Variants in MAPK6 observed in about 807,000 individuals in gnomAD.
The protein encoded by MAPK6 is ERK-3.
A neutral mutation model predicts 59.3 loss-of-function variants in MAPK6; 19 were observed. The observed-to-expected ratio is 0.32, with a 90% confidence interval of 0.22 to 0.47. The LOEUF is 0.47. Among genes scored for constraint, MAPK6 ranks in the 20% least tolerant of loss-of-function variants. MAPK6 has a pLI of 1.00. For synonymous variants in MAPK6, 316 were observed against 290.3 expected, an observed-to-expected ratio of 1.09 and a Z score of -0.90; for missense variants, 724 against 847.9, an observed-to-expected ratio of 0.85 and a Z score of 1.81.
At chr15:52,013,060 T>TATA (rs1224403797) in intron 3 of MAPK6, among the ~76,000 whole-genome samples, 4 of 113,310 alleles carry the variant, frequency 3.5e-5, no homozygotes, top group Admixed American at 9.1e-5. Context: ...TATATATATA[T>TATA]TACACAAGAC....
intron 1 of MAPK6, among the ~76,000 whole-genome samples, chr15:52,023,935 T>C (rs1282389465): frequency 6.6e-6 from 1 of 152,204 alleles, no homozygotes; most frequent in Non-Finnish European, 1.5e-5. Context: ...AAGTTTTGTC[T>C]TTTATACATG....
chr15:51,990,823 G>C (rs1044790782), intron 2 of MAPK6, among the ~76,000 whole-genome samples: 1 of 152,166 alleles, frequency 6.6e-6, no homozygotes, highest in Non-Finnish European at 1.5e-5. Context: ...GCATGGTGGC[G>C]GGCGCCTGTA....
intron 3 of MAPK6, among the ~76,000 whole-genome samples, chr15:52,006,711 T>A (rs1325652312): frequency 6.6e-6 from 1 of 152,096 alleles, no homozygotes; most frequent in Non-Finnish European, 1.5e-5. Context: ...TGCAATCAAG[T>A]TCTTCAAGCA....
upstream of MAPK6, among the ~76,000 whole-genome samples, chr15:52,016,122 C>T (rs1185105983): frequency 5.3e-5 from 6 of 112,612 alleles, no homozygotes; most frequent in South Asian, 3.3e-4. Flanking sequence ...TAAAACTGGC[C>T]GGGCATGGTG....
intron 3 of MAPK6, among the ~76,000 whole-genome samples, chr15:52,009,476 T>G (rs1427023685): frequency 6.6e-6 from 1 of 152,236 alleles, no homozygotes; most frequent in African/African-American, 2.4e-5. Context: ...ACTCTCTCTA[T>G]GCTTCTCTTA....
intron 1 of MAPK6, among the ~76,000 whole-genome samples, chr15:52,019,730 G>A (rs2030436343): frequency 6.6e-6 from 1 of 151,014 alleles, no homozygotes. Flanking sequence ...CCCTGGCCCC[G>A]CACGCCTGCT....
chr15:52,058,946 A>G (rs78937310), intron 4 of MAPK6, 149 bp downstream of exon 4: 14,412 of 540,954 alleles, frequency 0.027, 282 homozygotes, highest in Middle Eastern at 0.07. Context: ...TTCAACTCTC[A>G]TTTTCCCTTT....
In MAPK6 at chr15:52,052,824, G is replaced by A. The variant is rs1173588583; in HGVS notation, c.700+2687G>A. Among the ~76,000 whole-genome samples, 4 of 152,104 alleles carry A rather than the reference G, an allele frequency of 2.6e-5. No homozygotes were observed. The East Asian group carries it at 5.8e-4, about 22-fold the overall frequency. On this transcript the variant is annotated intron_variant, in intron 3 of 5. Transcript: ENST00000261845. ...TGGACATTTGGGTTTCCACTTCTTG[G>A]TTATGAATTATGCTGTTGTAAATAT...
At position 52,059,521 on chromosome 15, in the gene MAPK6, ACT is replaced by A. The variant is rs1413004531; in HGVS notation, c.865+727_865+728del. ...GTCTGCATACCCTCTCTAAGGTGTG[ACT>A]CTGCTCAGCCAGGTGAAGACACTGT... On this transcript the variant is annotated intron_variant, in intron 4 of 5. Coordinates refer to ENST00000261845, the MANE Select transcript of MAPK6 (RefSeq NM_002748.4). Among the ~76,000 whole-genome samples, 7 of 152,138 alleles carry A rather than the reference ACT, an allele frequency of 4.6e-5. No homozygotes were observed. In the South Asian group the frequency reaches 8.3e-4, roughly 18 times the overall value.
chr15:52,064,888 C>T lies in MAPK6; in HGVS notation c.2054C>T (p.Pro685Leu), dbSNP rs778555440. The change falls in exon 6 of 6, where the codon CCA becomes CTA. Residue 685 changes from proline (P) to leucine (L), a missense_variant. Physicochemically the swap from Pro to Leu is moderately conservative, Grantham distance 98. Coordinates refer to ENST00000261845, the MANE Select transcript of MAPK6 (RefSeq NM_002748.4). ...ESIGIPQFHS[P>L]VGSPLKSIQA... ...ATAGGCATCCCACAGTTTCACAGTC[C>T]AGTTGGGTCACCACTTAAGTCAATA... 2.5e-6 allele frequency: 4 copies of T among 1,611,796 alleles called. No individual in the cohort carries two copies. Among genetic ancestry groups the T allele is most frequent in the Admixed American group, 1.7e-5 (1 of 59,986 alleles).
chr15:52,039,274 C>T (rs75575681), intron 1 of MAPK6, among the ~76,000 whole-genome samples: 3,586 of 152,194 alleles, frequency 0.024, 96 homozygotes, highest in East Asian at 0.076. Context: ...TGAGCCACCA[C>T]GCCTGGCTGT....
At chr15:52,054,293 G>GGGAGGTGGAGGTTGCA (rs2031885662) in intron 3 of MAPK6, among the ~76,000 whole-genome samples, 1 of 151,354 alleles carries the variant, frequency 6.6e-6, no homozygotes. Flanking sequence ...GCTTGAACCT[G>GGGAGGTGGAGGTTGCA]GGAGGTGGAG....
intron 1 of MAPK6, among the ~76,000 whole-genome samples, chr15:52,032,059 A>G (rs1021384140): frequency 2.0e-5 from 3 of 151,664 alleles, no homozygotes; most frequent in Non-Finnish European, 4.4e-5. Context: ...TATTTTTAGT[A>G]GAGATAGGGT....
intron 1 of MAPK6, among the ~76,000 whole-genome samples, chr15:51,976,619 T>G (rs2057158252): frequency 6.6e-6 from 1 of 151,822 alleles, no homozygotes; most frequent in Admixed American, 6.6e-5. Context: ...TAAACAATTC[T>G]GAGAGTTAGA....
At chr15:51,977,406 G>A (rs1310986690) in intron 1 of MAPK6, among the ~76,000 whole-genome samples, 1 of 151,878 alleles carries the variant, frequency 6.6e-6, no homozygotes, top group Admixed American at 6.6e-5. Context: ...CAACTACCCT[G>A]AGGCTCCATG....
intron 1 of MAPK6, among the ~76,000 whole-genome samples, chr15:52,034,227 C>T (rs541065587): frequency 3.9e-5 from 6 of 152,184 alleles, no homozygotes; most frequent in South Asian, 2.1e-4. Context: ...TCAGGTGATC[C>T]GCCCGCCTCA....
In MAPK6 at chr15:52,011,557, A is replaced by G. The variant is rs923854894; in HGVS notation, c.-632+7155A>G. On this transcript the variant is annotated intron_variant, in intron 3 of 7. Coordinates refer to the MAPK6 transcript ENST00000691380. Reference sequence around the variant, plus strand: ...GTTCAGTGCTAATGAATCAACAATAAGTATTTAAAAAGGTGTCTTGAAACA... The same window carrying G: ...GTTCAGTGCTAATGAATCAACAATAGGTATTTAAAAAGGTGTCTTGAAACA... 7 of 152,238 alleles carry G rather than the reference A, an allele frequency of 4.6e-5. 1 individual carries two copies. The highest frequency in any genetic ancestry group is 8.8e-5 in the Non-Finnish European group (6 of 68,044). The allele number at this position is 152,238 out of a possible 1,614,324, so 9.4% of individuals were successfully genotyped here. A position where few individuals can be genotyped will look rare whatever the true frequency, so the allele number is the denominator to read the frequency against.
chr15:52,025,391 T>G (rs1240598253), intron 1 of MAPK6, among the ~76,000 whole-genome samples: 1 of 152,246 alleles, frequency 6.6e-6, no homozygotes, highest in Non-Finnish European at 1.5e-5. Context: ...CTTTCTATGA[T>G]GATAGAAGTG....
At chr15:52,023,373 A>G (rs146215633) in intron 1 of MAPK6, among the ~76,000 whole-genome samples, 1,814 of 152,246 alleles carry the variant, frequency 0.012, 16 homozygotes, top group South Asian at 0.02. Context: ...ATTACACTAC[A>G]ACCTGCCAGT....
Sources: gnomAD v4.1 joint callset for allele counts (sites outside exome capture counted in the v4.1 genomes callset) on GRCh38, gnomAD v4.1.1 for gene constraint, MANE v1.5 for transcripts, NCBI Gene and HGNC (gene_info 2026-07-23, HGNC 2026-07-21) for gene names.